SPTB: variants seen among roughly 807,000 people sequenced by gnomAD.
SPTB encodes the protein spectrin beta, erythrocytic.
A neutral mutation model predicts 256.2 loss-of-function variants in SPTB; 45 were observed. The observed-to-expected ratio is 0.18, with a 90% confidence interval of 0.14 to 0.23. The LOEUF (loss-of-function observed/expected upper bound fraction) is 0.23, where lower values mean the gene tolerates loss of function less well. Ranked by LOEUF, SPTB falls within the 10% of genes least tolerant of loss-of-function variation. The pLI, the probability that SPTB is intolerant of heterozygous loss-of-function variation, is 1.00. For synonymous variants in SPTB, 1,231 were observed against 1,243.1 expected (o/e 0.99, Z 0.21); for missense variants, 2,715 against 3,040.4 (o/e 0.89, Z 2.52).
In SPTB at chr14:64,791,862, A is replaced by G. The variant is rs775720360; in HGVS notation, c.2667-6T>C. The G allele has an allele frequency of 1.9e-6, 3 of 1,614,174 alleles. No homozygotes were observed. Among genetic ancestry groups the G allele is most frequent in the South Asian group, 2.2e-5 (2 of 91,084 alleles). Reference sequence around the variant, plus strand: ...CCTGGTCCAGGATGTCGAACCTGATATGGGCAAAGGAAAATATGAGGATGG... The same window carrying G: ...CCTGGTCCAGGATGTCGAACCTGATGTGGGCAAAGGAAAATATGAGGATGG... On this transcript the variant is annotated splice_polypyrimidine_tract_variant and splice_region_variant and intron_variant, in intron 14 of 35. Transcript: ENST00000644917.
rs1260772700 is a variant in SPTB, at chr14:64,773,291, C to A, written c.5107G>T (p.Glu1703Ter). Residue 1703 changes from glutamate (E) to a stop codon, truncating the protein, a stop_gained, in exon 25 of 36, where the codon GAG becomes TAG. Coordinates refer to ENST00000644917, the MANE Select transcript of SPTB (RefSeq NM_001355436.2). LOFTEE classifies it high-confidence loss of function. ...AGCTCCTTTTCTGAAATCCACTGCT[C>A]CAGGTCGTCGGTCTCCCGCTTGAGC... Reference protein sequence around the residue: ...FQLKRETDDLEQWISEKELVA... With the variant: ...FQLKRETDDL The A allele has an allele frequency of 1.2e-6, 2 of 1,614,202 alleles. No individual in the cohort carries two copies. The highest frequency in any genetic ancestry group is 2.7e-5 in the African/African-American group (2 of 75,052).
In SPTB at chr14:64,769,636, T is replaced by C. The variant is rs758361668; in HGVS notation, c.5891A>G (p.Glu1964Gly). The C allele has an allele frequency of 5.0e-6, 8 of 1,614,002 alleles. No individual in the cohort carries two copies. The South Asian group carries it at 8.8e-5, about 18-fold the overall frequency. Residue 1964 changes from glutamate (E) to glycine (G), a missense_variant, in exon 28 of 36, where the codon GAG (glutamate) becomes GGG (glycine). Around this residue, in one of 4 missense-constraint regions of SPTB, gnomAD observed 2,239 missense variants for 2,384.4 expected, o/e 0.94. Coordinates refer to ENST00000644917, the MANE Select transcript of SPTB (RefSeq NM_001355436.2). Reference protein sequence around the residue: ...TRSKNFSACLELGESLLQRQH... With the variant: ...TRSKNFSACLGLGESLLQRQH... The stretch of plus-strand genomic sequence containing the variant: ...CCGCTGCAGCAGGGACTCGCCAAGC[T>C]CCAGGCAGGCACTGAAGTTCTTGCT...
At chr14:64,855,103 G>C (rs1371460275) in intron 1 of SPTB, among the ~76,000 whole-genome samples, 3 of 152,202 alleles carry the variant, frequency 2.0e-5, no homozygotes, top group African/African-American at 2.4e-5. Flanking sequence ...TTGGCTCTCT[G>C]GAAGAGAAGG....
In SPTB at chr14:64,823,051, G is replaced by C. The variant is rs1489551959; in HGVS notation, c.44C>G (p.Pro15Arg). 2.5e-6 allele frequency: 4 copies of C among 1,614,078 alleles called. No individual in the cohort carries two copies. Among genetic ancestry groups the C allele is most frequent in the East Asian group, 2.2e-5 (1 of 44,892 alleles). Residue 15 changes from proline (P) to arginine (R), a missense_variant, in exon 2 of 36, where the codon CCT (proline) becomes CGT (arginine). By Grantham distance (103) the Pro-to-Arg change is moderately radical. Around this residue, in one of 4 missense-constraint regions of SPTB, gnomAD observed 58 missense variants for 67.9 expected, o/e 0.85. Transcript: ENST00000644917. This position sits in a 1 kb window ranked among gnomAD's most constrained non-coding sequence, Gnocchi z 6.5. The stretch of plus-strand genomic sequence containing the variant: ...CCAGCGGGCATTGATCCTGCTGTAA[G>C]GTGGCTGGTTGCCCACATTTTCAAA... Reference protein sequence around the residue: ...TEFENVGNQPPYSRINARWDA... With the variant: ...TEFENVGNQPRYSRINARWDA...
rs1186116775 is a variant in SPTB at position 64,747,398 on chromosome 14, TACAG to T, written c.*1904_*1907del. ...ACCTCACTGCCTTGGTTTCCCCAGA[TACAG>T]AAAGAGGCTGGTGAGTGATACACAC... On this transcript the variant is annotated 3_prime_UTR_variant, in exon 36 of 36. Coordinates refer to ENST00000644917, the MANE Select transcript of SPTB (RefSeq NM_001355436.2). The T allele has an allele frequency of 3.3e-5, 5 of 152,682 alleles. No homozygotes were observed. Among genetic ancestry groups the T allele is most frequent in the African/African-American group, 1.2e-4 (5 of 41,454 alleles). The allele number at this position is 152,682 out of a possible 1,614,324, so 9.5% of individuals were successfully genotyped here.
chr14:64,765,976 G>T (rs1344034622), intron 32 of SPTB, among the ~76,000 whole-genome samples: 1 of 151,032 alleles, frequency 6.6e-6, no homozygotes, highest in Non-Finnish European at 1.5e-5. Context: ...ATGGGGTGTG[G>T]TGTGTGCATG....
chr14:64,873,361 C>T lies in SPTB; in HGVS notation c.-52+6431G>A, dbSNP rs1309264023. The stretch of plus-strand genomic sequence containing the variant: ...GAACTCAGTAAATATTTGTTGAAGA[C>T]TGACATACAAATCAAGGCCCTCAAG... On this transcript the variant is annotated intron_variant, in intron 1 of 35. Transcript: ENST00000644917. This position sits in a 1 kb window ranked among gnomAD's most constrained non-coding sequence, Gnocchi z 4.3. Among the ~76,000 whole-genome samples, 4 of 152,160 alleles carry T rather than the reference C, an allele frequency of 2.6e-5. No homozygotes were observed. Among genetic ancestry groups the T allele is most frequent in the Non-Finnish European group, 5.9e-5 (4 of 68,018 alleles).
Position 64,824,218 on chromosome 14 carries a change from G to A in SPTB, c.-51-1073C>T, listed in dbSNP as rs1199770282. On this transcript the variant is annotated intron_variant, in intron 1 of 35. Transcript: ENST00000644917. The surrounding 1 kb of genome is among the most constrained non-coding windows in gnomAD (Gnocchi z 5.7). The stretch of plus-strand genomic sequence containing the variant: ...ACTCGGCGGGGACTGGTATCAGGGA[G>A]GGGAAGTTGAAGCTTATTCCTAAAG... 6.6e-6 allele frequency among the ~76,000 whole-genome samples: 1 copy of A among 152,146 alleles called. No individual in the cohort carries two copies. Among genetic ancestry groups the A allele is most frequent in the Non-Finnish European group, 1.5e-5 (1 of 68,026 alleles).
At position 64,796,791 on chromosome 14, in the gene SPTB, C is replaced by G; in HGVS notation, c.1183-76G>C. On this transcript the variant is annotated intron_variant, in intron 10 of 35. Coordinates refer to ENST00000644917, the MANE Select transcript of SPTB (RefSeq NM_001355436.2). The surrounding 1 kb of genome is among the most constrained non-coding windows in gnomAD (Gnocchi z 4.1). ...CTTTGGGGGCTCCACCCCTTTCACC[C>G]AACACTGAGTGATTTCTGGAATCAA... 6.3e-7 allele frequency: 1 copy of G among 1,574,844 alleles called. No individual in the cohort carries two copies. The highest frequency in any genetic ancestry group is 1.1e-5 in the South Asian group (1 of 89,960).
chr14:64,753,414 C>T (rs932777799), intron 33 of SPTB, 123 bp downstream of exon 33: 29 of 1,495,516 alleles, frequency 1.9e-5, no homozygotes, highest in Non-Finnish European at 2.5e-5. Context: ...TAGGAGCTCT[C>T]ACAGGCCAAG....
intron 20 of SPTB, among the ~76,000 whole-genome samples, chr14:64,780,628 G>T (rs2082452622): frequency 6.6e-6 from 1 of 152,166 alleles, no homozygotes; most frequent in African/African-American, 2.4e-5. Context: ...GGTCAGGCTG[G>T]TCTCGAACTC....
At chr14:64,809,771 G>A (rs1401572391) in intron 2 of SPTB, among the ~76,000 whole-genome samples, 1 of 152,086 alleles carries the variant, frequency 6.6e-6, no homozygotes, top group East Asian at 1.9e-4. Context: ...TGTTAATAAA[G>A]ACACAAAATG....
Position 64,750,080 on chromosome 14 carries a change from A to G in SPTB, c.6677T>C (p.Leu2226Pro). 6.2e-7 allele frequency: 1 copy of G among 1,614,214 alleles called. No individual in the cohort carries two copies. The highest frequency in any genetic ancestry group is 8.5e-7 in the Non-Finnish European group (1 of 1,180,030). ...TFYKDAKNLA[L>P]GMPYHGEEPL... ...TTCCTCCCCATGGTAGGGCATCCCC[A>G]GGGCCAGGTTCTTGGCATCCTTGTA... Residue 2226 changes from leucine to proline, a missense_variant, in exon 34 of 36, where the codon CTG (leucine) becomes CCG (proline). By Grantham distance (98) the Leu-to-Pro change is moderately conservative. Transcript: ENST00000644917.
At chr14:64,752,169 C>T (rs1312331032) in intron 33 of SPTB, 9 of 1,337,102 alleles carry the variant, frequency 6.7e-6, no homozygotes, top group Non-Finnish European at 6.9e-6. Flanking sequence ...GTGAGGGAAT[C>T]AAACTGATAA....
chr14:64,803,878 C>T (rs1227159175), intron 3 of SPTB, 98 bp from the exon 4 acceptor site: 4 of 1,332,270 alleles, frequency 3.0e-6, no homozygotes, highest in Non-Finnish European at 2.1e-6. Context: ...ACCCACCCTC[C>T]ACCCTCTTGG....
At chr14:64,843,439 GA>G (rs1032382662) in intron 1 of SPTB, among the ~76,000 whole-genome samples, 4 of 150,430 alleles carry the variant, frequency 2.7e-5, no homozygotes, top group South Asian at 2.1e-4. Context: ...CTTCACTGGG[GA>G]AAAAAAAACC....
chr14:64,838,402 TA>T (rs2083557454), intron 1 of SPTB, among the ~76,000 whole-genome samples: 1 of 152,116 alleles, frequency 6.6e-6, no homozygotes, highest in Non-Finnish European at 1.5e-5. Context: ...TCAGGTATCA[TA>T]AAAGAAAGAT....
In SPTB at chr14:64,805,023, G is replaced by A. The variant is rs149886277; in HGVS notation, c.216C>T (p.Ser72=). 2.5e-6 allele frequency: 4 copies of A among 1,613,738 alleles called. No homozygotes were observed. The African/African-American group carries it at 5.3e-5, about 22-fold the overall frequency. The change falls in exon 3 of 36, where the codon TCC becomes TCT. Residue 72 remains serine, a synonymous_variant. Coordinates refer to ENST00000644917, the MANE Select transcript of SPTB (RefSeq NM_001355436.2). ...KWVNSHLARV[S]CRITDLYKDL... ...CCTTGTAGAGATCGGTGATGCGGCA[G>A]GACACTCGAGCCAGGTGCGAGTTCA...
intron 1 of SPTB, among the ~76,000 whole-genome samples, chr14:64,831,073 T>C (rs1193545906): frequency 2.0e-5 from 3 of 152,140 alleles, no homozygotes; most frequent in Non-Finnish European, 4.4e-5. Context: ...CCCCCTCAAG[T>C]GGAGGGGGCA....
Sources: gnomAD v4.1 joint callset for allele counts (sites outside exome capture counted in the v4.1 genomes callset) on GRCh38, gnomAD v4.1.1 for gene constraint, gnomAD v4.1.1 regional missense constraint, Gnocchi (gnomAD v3.1) non-coding constraint, MANE v1.5 for transcripts, NCBI Gene and HGNC (gene_info 2026-07-23, HGNC 2026-07-21) for gene names.